The following SLC38A11 variants were observed in gnomAD, a reference collection of about 807,000 sequenced individuals.
SLC38A11 encodes the protein putative sodium-coupled neutral amino acid transporter 11.
Under a neutral mutation model 49.4 loss-of-function variants are expected in SLC38A11, and 51 were observed. The observed-to-expected ratio is 1.03, with a 90% CI of 0.83 to 1.30. SLC38A11 has a LOEUF of 1.30. Among genes scored for constraint, SLC38A11 ranks in the 50% most tolerant of loss-of-function variants. The pLI is 0.00. For missense variants in SLC38A11, 574 were observed against 556.2 expected, an observed-to-expected ratio of 1.03 and a Z score of -0.32; for synonymous variants, 203 against 192.9, an observed-to-expected ratio of 1.05 and a Z score of -0.43.
intron 5 of SLC38A11, among the ~76,000 whole-genome samples, chr2:164,940,274 T>C (rs187846525): frequency 4.0e-5 from 6 of 148,904 alleles, no homozygotes; most frequent in African/African-American, 7.3e-5. Context: ...TATAATTATA[T>C]GTGTTGTGTG....
At chr2:164,947,390 C>A (rs1688208919) in intron 3 of SLC38A11, among the ~76,000 whole-genome samples, 1 of 152,024 alleles carries the variant, frequency 6.6e-6, no homozygotes, top group Non-Finnish European at 1.5e-5. Context: ...CCTAGGCCTC[C>A]CAAATTGCTG....
chr2:164,923,814 A>C (rs920322203), intron 7 of SLC38A11, among the ~76,000 whole-genome samples: 3 of 151,882 alleles, frequency 2.0e-5, no homozygotes, highest in Non-Finnish European at 2.9e-5. Context: ...AAAAAAAAAA[A>C]ACAAATGTTA....
intron 7 of SLC38A11, among the ~76,000 whole-genome samples, chr2:164,920,412 C>T (rs1449586810): frequency 3.3e-5 from 5 of 152,018 alleles, no homozygotes; most frequent in African/African-American, 4.8e-5. Flanking sequence ...AACTTGGACA[C>T]CCAATTAAAC....
rs1444623660 is a variant in SLC38A11 at position 164,945,627 on chromosome 2, G to A, written c.330C>T (p.Leu110=). The part of the protein sequence containing the change: ...NKTFGFPGYL[L]LSVLQFLYPF... ...GATACAAAAACTGAAGAACAGAGAG[G>A]AGCAGATACCCTGGAAAGCCGAAAG... Residue 110 remains leucine, a synonymous_variant, in exon 4 of 12, where the codon CTC becomes CTT. Transcript: ENST00000685975. The A allele has an allele frequency of 1.9e-6, 3 of 1,610,054 alleles. No individual in the cohort carries two copies. Among genetic ancestry groups the A allele is most frequent in the Admixed American group, 3.4e-5 (2 of 58,818 alleles).
chr2:164,933,040 A>G (rs1187563969), intron 7 of SLC38A11, among the ~76,000 whole-genome samples: 1 of 152,008 alleles, frequency 6.6e-6, no homozygotes, highest in Non-Finnish European at 1.5e-5. Context: ...GTTTGAATGT[A>G]TAAGGGTTAA....
intron 3 of SLC38A11, among the ~76,000 whole-genome samples, chr2:164,949,648 T>G (rs1226000202): frequency 6.6e-6 from 1 of 152,216 alleles, no homozygotes; most frequent in Admixed American, 6.5e-5. Context: ...TAGGAACTGC[T>G]TCACAAAAAA....
intron 7 of SLC38A11, among the ~76,000 whole-genome samples, chr2:164,917,947 C>CA (rs1313481660): frequency 6.6e-6 from 1 of 151,380 alleles, no homozygotes; most frequent in Non-Finnish European, 1.5e-5. Flanking sequence ...TGGAAAGTGC[C>CA]AAAAAAGATG....
chr2:164,915,282 CAA>C lies in SLC38A11; in HGVS notation c.689-11_689-10del. ...ATGGTGGCAAATAAATGCTGCAATA[CAA>C]AAAAAAAGAGCATTATTAAATCAAG... On this transcript the variant is annotated splice_polypyrimidine_tract_variant and intron_variant, in intron 8 of 11. Transcript: ENST00000685975. The C allele has an allele frequency of 1.3e-6, 2 of 1,549,384 alleles. No individual in the cohort carries two copies. Among genetic ancestry groups the C allele is most frequent in the South Asian group, 1.2e-5 (1 of 81,226 alleles).
At chr2:164,913,117 A>G (rs993514884) in intron 9 of SLC38A11, among the ~76,000 whole-genome samples, 1 of 151,976 alleles carries the variant, frequency 6.6e-6, no homozygotes, top group Non-Finnish European at 1.5e-5. Context: ...AAAGCTGAAT[A>G]TCCTAAATAA....
chr2:164,938,066 T>C (rs1192369682), intron 6 of SLC38A11, among the ~76,000 whole-genome samples: 2 of 152,144 alleles, frequency 1.3e-5, no homozygotes, highest in East Asian at 3.9e-4. Context: ...GGTGCACCCA[T>C]TATGCTAGGT....
At chr2:164,932,463 A>G (rs900719351) in intron 7 of SLC38A11, among the ~76,000 whole-genome samples, 1 of 152,070 alleles carries the variant, frequency 6.6e-6, no homozygotes, top group Non-Finnish European at 1.5e-5. Flanking sequence ...GTAAATGGTC[A>G]CAATAGCAAA....
At chr2:164,908,039 A>C (rs1375615244) in intron 11 of SLC38A11, 1 of 152,196 alleles carries the variant, frequency 6.6e-6, no homozygotes, top group African/African-American at 2.4e-5. Flanking sequence ...CAACTGTGAT[A>C]TTATGAGGAC....
In SLC38A11 at chr2:164,955,342, G is replaced by A. The variant is rs540870806; in HGVS notation, c.-95C>T. ...CTCCGCCACCTCGCACACAGCCGAG[G>A]TCCGCGTGTAGCCGCAGAGCTGCAG... On this transcript the variant is annotated 5_prime_UTR_variant, in exon 1 of 12. Transcript: ENST00000685975. The A allele has an allele frequency of 2.5e-4, 314 of 1,244,828 alleles. 1 individual carries two copies. The African/African-American group carries it at 4.4e-3, about 18-fold the overall frequency. The allele number at this position is 1,244,828 out of a possible 1,614,324, so 77.1% of individuals were successfully genotyped here. A position where few individuals can be genotyped will look rare whatever the true frequency, so the allele number is the denominator to read the frequency against.
chr2:164,951,361 AT>A (rs536919816), intron 3 of SLC38A11, among the ~76,000 whole-genome samples: 37 of 149,758 alleles, frequency 2.5e-4, no homozygotes, highest in Admixed American at 7.3e-4. Flanking sequence ...CTTGAATGAA[AT>A]TTTTTTTTTT....
At chr2:164,943,991 G>T (rs1252309284) in intron 5 of SLC38A11, among the ~76,000 whole-genome samples, 17 of 151,996 alleles carry the variant, frequency 1.1e-4, no homozygotes, top group Admixed American at 3.9e-4. Flanking sequence ...CAAGTAGCTG[G>T]GACCACAGGT....
intron 6 of SLC38A11, 67 bp from the exon 7 acceptor site, chr2:164,937,496 C>T (rs910429352): frequency 1.3e-5 from 14 of 1,081,608 alleles, no homozygotes; most frequent in Non-Finnish European, 1.8e-5. Context: ...AATGTTAAGT[C>T]TTTCTCATTT....
intron 7 of SLC38A11, among the ~76,000 whole-genome samples, chr2:164,923,854 T>C (rs1250498978): frequency 6.6e-6 from 1 of 151,822 alleles, no homozygotes; most frequent in Non-Finnish European, 1.5e-5. Flanking sequence ...GGAACACTTA[T>C]ACACTATTGG....
chr2:164,906,795 T>C (rs1322816512), intron 11 of SLC38A11, among the ~76,000 whole-genome samples: 2 of 152,178 alleles, frequency 1.3e-5, no homozygotes, highest in African/African-American at 2.4e-5. Context: ...TGGAAACTGC[T>C]TACTCCCCAC....
intron 3 of SLC38A11, among the ~76,000 whole-genome samples, chr2:164,950,455 T>C (rs10164999): frequency 0.44 from 66,708 of 151,940 alleles, 15,075 homozygotes; most frequent in South Asian, 0.68. Context: ...GTAAATGCTT[T>C]CATTTGCTTA....
Sources: gnomAD v4.1 joint callset for allele counts (sites outside exome capture counted in the v4.1 genomes callset) on GRCh38, gnomAD v4.1.1 for gene constraint, MANE v1.5 for transcripts, NCBI Gene and HGNC (gene_info 2026-07-23, HGNC 2026-07-21) for gene names.